SMAD3: variants seen among roughly 807,000 people sequenced by gnomAD.
SMAD3 encodes MAD homolog 3.
In SMAD3, 12 loss-of-function variants were observed where a neutral mutation model predicts 51.8. That is an observed-to-expected ratio of 0.23 (90% CI 0.15 to 0.38). The LOEUF (loss-of-function observed/expected upper bound fraction) is 0.38. Ranked by LOEUF, SMAD3 falls within the 10% of genes least tolerant of loss-of-function variation. The probability of loss-of-function intolerance (pLI) is 1.00; values close to 1 mark genes in which losing one functional copy is unlikely to be tolerated. For synonymous variants in SMAD3, 238 were observed against 227.7 expected (o/e 1.05, Z -0.41); for missense variants, 294 against 565.6 (o/e 0.52, Z 4.87).
rs1963336519 is a variant in SMAD3, at chr15:67,190,568, T to C, written c.*32T>C. ...CAAGTATGGTAGGGGAGGGCAGGCT[T>C]GGGGAAAATGGCCATGCAGGAGGTG... is the stretch of plus-strand genomic sequence containing the variant. On this transcript the variant is annotated 3_prime_UTR_variant, in exon 9 of 9. Coordinates refer to ENST00000327367, the MANE Select transcript of SMAD3 (RefSeq NM_005902.4). The C allele has an allele frequency of 1.9e-6, 3 of 1,611,396 alleles. No individual in the cohort carries two copies. The highest frequency in any genetic ancestry group is 2.5e-6 in the Non-Finnish European group (3 of 1,178,004).
At chr15:67,167,397 C>T (rs1408284908) in intron 4 of SMAD3, among the ~76,000 whole-genome samples, 1 of 152,132 alleles carries the variant, frequency 6.6e-6, no homozygotes, top group East Asian at 1.9e-4. Flanking sequence ...GAGGGCCTGC[C>T]ACACAGGGGT....
At chr15:67,067,846 G>A (rs1198159172) in intron 1 of SMAD3, among the ~76,000 whole-genome samples, 1 of 152,124 alleles carries the variant, frequency 6.6e-6, no homozygotes, top group East Asian at 1.9e-4. Context: ...AGAGACCTGG[G>A]ATTTGGTTCC....
chr15:67,099,029 G>A, intron 1 of SMAD3: 1 of 677,822 alleles, frequency 1.5e-6, no homozygotes, highest in South Asian at 1.5e-5. Context: ...AACTCTGTGA[G>A]TACCCATGAT....
chr15:67,091,022 T>C lies in SMAD3; in HGVS notation c.206+24662T>C, dbSNP rs375168342. Among the ~76,000 whole-genome samples, 16 of 152,322 alleles carry C rather than the reference T, an allele frequency of 1.1e-4. 1 individual carries two copies. The highest frequency in any genetic ancestry group is 3.8e-4 in the African/African-American group (16 of 41,572). ...CAGTGCAGGAATCCAGGAGAATTTA[T>C]TGTATTGTTACCATCTGGTTTCATG... On this transcript the variant is annotated intron_variant, in intron 1 of 8. Transcript: ENST00000327367.
At chr15:67,098,940 G>C (rs1248747265) in intron 1 of SMAD3, 1 of 702,246 alleles carries the variant, frequency 1.4e-6, no homozygotes, top group African/African-American at 1.7e-5. Context: ...CATGGAGATG[G>C]GACAGTGTTC....
At chr15:67,124,064 T>A (rs1178242904) in intron 1 of SMAD3, among the ~76,000 whole-genome samples, 1 of 152,234 alleles carries the variant, frequency 6.6e-6, no homozygotes, top group African/African-American at 2.4e-5. Flanking sequence ...GATAGCTTAC[T>A]GCAGCCTCAA....
intron 1 of SMAD3, among the ~76,000 whole-genome samples, chr15:67,115,684 G>C (rs1961119539): frequency 6.6e-6 from 1 of 151,916 alleles, no homozygotes; most frequent in Non-Finnish European, 1.5e-5. Flanking sequence ...TCATGGCAAG[G>C]CTGATACAGA....
intron 1 of SMAD3, among the ~76,000 whole-genome samples, chr15:67,088,603 C>T (rs908849913): frequency 1.3e-5 from 2 of 152,060 alleles, no homozygotes; most frequent in Non-Finnish European, 2.9e-5. Context: ...AGAATGCTCC[C>T]GAGTGGGAGG....
At position 67,114,717 on chromosome 15, in the gene SMAD3, A is replaced by G. The variant is rs559003577; in HGVS notation, c.206+48357A>G. Among the ~76,000 whole-genome samples, 5 of 152,274 alleles carry G rather than the reference A, an allele frequency of 3.3e-5. No individual in the cohort carries two copies. In the East Asian group the frequency reaches 9.6e-4, roughly 29 times the overall value. ...TCATCCTCCCCTCCTTCCACCTGCC[A>G]GTACCCAGTCTTTATCTAAATTTAG... On this transcript the variant is annotated intron_variant, in intron 1 of 8. Coordinates refer to ENST00000327367, the MANE Select transcript of SMAD3 (RefSeq NM_005902.4).
intron 4 of SMAD3, 98 bp from the exon 5 acceptor site, chr15:67,170,456 G>A: frequency 7.1e-6 from 7 of 986,812 alleles, no homozygotes; most frequent in South Asian, 6.4e-5. Context: ...TCTTTCTGCT[G>A]TGTTGGGCTA....
intron 1 of SMAD3, among the ~76,000 whole-genome samples, chr15:67,157,370 G>T (rs1042014276): frequency 6.6e-6 from 1 of 152,190 alleles, no homozygotes; most frequent in Non-Finnish European, 1.5e-5. Context: ...CAGAAAAAGC[G>T]CTGTTCATCC....
intron 1 of SMAD3, among the ~76,000 whole-genome samples, chr15:67,077,798 G>A (rs945248817): frequency 4.6e-5 from 7 of 152,216 alleles, no homozygotes; most frequent in Admixed American, 1.3e-4. Context: ...GGGAAGGCAA[G>A]ACAGTTTAGG....
chr15:67,172,285 C>T (rs896609905), intron 5 of SMAD3, among the ~76,000 whole-genome samples: 13 of 152,254 alleles, frequency 8.5e-5, no homozygotes, highest in East Asian at 3.8e-4. Context: ...GGACCCTCCC[C>T]GAGCCTGGCC....
At chr15:67,093,618 G>T (rs537264347) in intron 1 of SMAD3, among the ~76,000 whole-genome samples, 7 of 152,348 alleles carry the variant, frequency 4.6e-5, no homozygotes, top group African/African-American at 1.7e-4. Flanking sequence ...TGAGCAAACT[G>T]GATCCCAAGG....
rs1267580506 is a variant in SMAD3 at position 67,101,721 on chromosome 15, G to A, written c.206+35361G>A. 2.0e-5 allele frequency among the ~76,000 whole-genome samples: 3 copies of A among 152,226 alleles called. No homozygotes were observed. The South Asian group carries it at 6.2e-4, about 31-fold the overall frequency. On this transcript the variant is annotated intron_variant, in intron 1 of 8. Coordinates refer to ENST00000327367, the MANE Select transcript of SMAD3 (RefSeq NM_005902.4). The stretch of plus-strand genomic sequence containing the variant: ...CAAGATCGAGATTGATTAGCTACAT[G>A]ACCTTAGGAAAGTGACCTAAAGGTT...
At chr15:67,189,529 T>G (rs1438982450) in intron 8 of SMAD3, among the ~76,000 whole-genome samples, 1 of 152,244 alleles carries the variant, frequency 6.6e-6, no homozygotes, top group African/African-American at 2.4e-5. Context: ...CTGGCAGCAC[T>G]GCACAGCAGC....
intron 1 of SMAD3, among the ~76,000 whole-genome samples, chr15:67,149,805 G>C (rs574532532): frequency 2.0e-5 from 3 of 152,330 alleles, no homozygotes; most frequent in East Asian, 1.9e-4. Flanking sequence ...ATATAAGCTT[G>C]TAAAGCTTTG....
chr15:67,130,499 A>T (rs1961498888), intron 1 of SMAD3, among the ~76,000 whole-genome samples: 1 of 152,144 alleles, frequency 6.6e-6, no homozygotes, highest in Non-Finnish European at 1.5e-5. Context: ...CCCTATTGTG[A>T]ACTGCATATT....
chr15:67,184,940 C>G (rs1190386731), intron 7 of SMAD3, 76 bp downstream of exon 7: 2 of 1,555,896 alleles, frequency 1.3e-6, no homozygotes, highest in Non-Finnish European at 1.8e-6. Flanking sequence ...AGAGAGTCCA[C>G]CTTTCTCACC....
Sources: gnomAD v4.1 joint callset for allele counts (sites outside exome capture counted in the v4.1 genomes callset) on GRCh38, gnomAD v4.1.1 for gene constraint, MANE v1.5 for transcripts, NCBI Gene and HGNC (gene_info 2026-07-23, HGNC 2026-07-21) for gene names.